Variants in PTPRM observed in about 807,000 individuals in gnomAD.
PTPRM encodes receptor-type tyrosine-protein phosphatase mu.
Under a neutral mutation model 186.7 loss-of-function variants are expected in PTPRM, and 47 were observed. That is an observed-to-expected ratio of 0.25 (90% CI 0.20 to 0.32). PTPRM has a LOEUF of 0.32. PTPRM is among the 10% of genes least tolerant of loss of function. PTPRM has a pLI of 1.00. For missense variants in PTPRM, 1,494 were observed against 1,865.0 expected, an observed-to-expected ratio of 0.80 and a Z score of 3.66; for synonymous variants, 668 against 674.9, an observed-to-expected ratio of 0.99 and a Z score of 0.16.
At chr18:7,661,448 A>G (rs1033928979) in intron 1 of PTPRM, among the ~76,000 whole-genome samples, 4 of 152,240 alleles carry the variant, frequency 2.6e-5, no homozygotes, top group African/African-American at 9.6e-5. Flanking sequence ...AATTCTCCAC[A>G]GGGAATGGTT....
intron 1 of PTPRM, among the ~76,000 whole-genome samples, chr18:7,717,595 C>A (rs2040363950): frequency 6.6e-6 from 1 of 152,230 alleles, no homozygotes; most frequent in Non-Finnish European, 1.5e-5. Flanking sequence ...CCTTCACTGG[C>A]AGAGGGCAGC....
intron 19 of PTPRM, among the ~76,000 whole-genome samples, chr18:8,263,495 G>A (rs8096506): frequency 0.064 from 9,713 of 152,194 alleles, 338 homozygotes; most frequent in South Asian, 0.095. Flanking sequence ...CTTTGTGCCT[G>A]GTTCCTGACA....
chr18:7,751,800 G>A (rs939286149), intron 1 of PTPRM, among the ~76,000 whole-genome samples: 4 of 152,170 alleles, frequency 2.6e-5, no homozygotes, highest in Admixed American at 2.6e-4. Context: ...AACCTAGTCA[G>A]TTCACTCTCT....
chr18:8,028,380 A>G (rs1235002827), intron 7 of PTPRM, among the ~76,000 whole-genome samples: 1 of 152,152 alleles, frequency 6.6e-6, no homozygotes, highest in African/African-American at 2.4e-5. Flanking sequence ...CCCTAATCTG[A>G]TAACCTGATT....
intron 1 of PTPRM, among the ~76,000 whole-genome samples, chr18:7,594,616 T>C (rs766279254): frequency 2.0e-5 from 3 of 152,160 alleles, no homozygotes; most frequent in Non-Finnish European, 4.4e-5. Flanking sequence ...CAGAAGGAAA[T>C]GCAGAAAGCC....
intron 1 of PTPRM, among the ~76,000 whole-genome samples, chr18:7,748,708 C>G (rs2041065127): frequency 6.6e-6 from 1 of 152,166 alleles, no homozygotes; most frequent in South Asian, 2.1e-4. Context: ...AAGTATAAAT[C>G]CCAGCATCAT....
rs201771811 is a variant in PTPRM, at chr18:7,955,615, C to T, written c.1132+201C>T. On this transcript the variant is annotated intron_variant, in intron 7 of 32. Coordinates refer to ENST00000580170, the MANE Select transcript of PTPRM (RefSeq NM_001105244.2). ...AGTAACCTCCAGGCTTGGTATTTCT[C>T]AGCCTGCCCCCACCCTTTTTCCTAT... Among the ~76,000 whole-genome samples, 7 of 152,278 alleles carry T rather than the reference C, an allele frequency of 4.6e-5. No individual in the cohort carries two copies. The East Asian group carries it at 1.4e-3, about 29-fold the overall frequency.
At chr18:7,794,411 A>G (rs761361168) in intron 2 of PTPRM, among the ~76,000 whole-genome samples, 143 of 151,216 alleles carry the variant, frequency 9.5e-4, no homozygotes, top group Non-Finnish European at 1.6e-3. Context: ...GAAGTGAACT[A>G]CTCCCCCTGT....
At chr18:7,580,093 C>G (rs1228227957) in intron 1 of PTPRM, among the ~76,000 whole-genome samples, 1 of 152,206 alleles carries the variant, frequency 6.6e-6, no homozygotes, top group East Asian at 1.9e-4. Flanking sequence ...AAGTTGACAT[C>G]TTTAGATTCT....
At chr18:8,067,399 T>G (rs761071653) in intron 7 of PTPRM, among the ~76,000 whole-genome samples, 4 of 152,212 alleles carry the variant, frequency 2.6e-5, no homozygotes, top group Non-Finnish European at 5.9e-5. Flanking sequence ...TTATGACATT[T>G]TCCCAACAGT....
chr18:7,645,777 T>C (rs991574904), intron 1 of PTPRM, among the ~76,000 whole-genome samples: 1 of 152,190 alleles, frequency 6.6e-6, no homozygotes, highest in Non-Finnish European at 1.5e-5. Flanking sequence ...TGTAGAAGAA[T>C]AGACCATGTA....
intron 14 of PTPRM, among the ~76,000 whole-genome samples, chr18:8,242,975 G>A (rs2094445440): frequency 6.6e-6 from 1 of 152,162 alleles, no homozygotes; most frequent in African/African-American, 2.4e-5. Flanking sequence ...ATATTTTAGG[G>A]CATAGTATAT....
chr18:7,721,144 T>A (rs528896723), intron 1 of PTPRM, among the ~76,000 whole-genome samples: 1 of 151,152 alleles, frequency 6.6e-6, no homozygotes, highest in Admixed American at 6.6e-5. Flanking sequence ...TTATTTTCTT[T>A]TTTTTTTTTT....
chr18:8,363,099 C>A (rs1350524576), intron 23 of PTPRM, among the ~76,000 whole-genome samples: 1 of 152,222 alleles, frequency 6.6e-6, no homozygotes, highest in African/African-American at 2.4e-5. Context: ...GAATGACTGG[C>A]AGGACAGCCT....
At chr18:7,709,673 A>G (rs7236636) in intron 1 of PTPRM, among the ~76,000 whole-genome samples, 9,964 of 152,238 alleles carry the variant, frequency 0.065, 864 homozygotes, top group African/African-American at 0.19. Flanking sequence ...ATTAACCAAG[A>G]AAAGAAGATG....
At chr18:7,903,839 C>G (rs2049834224) in intron 3 of PTPRM, among the ~76,000 whole-genome samples, 1 of 152,158 alleles carries the variant, frequency 6.6e-6, no homozygotes, top group South Asian at 2.1e-4. Flanking sequence ...TGATTGCTTT[C>G]TCCAGTTTCA....
At chr18:7,950,426 C>A (rs564479173) in intron 6 of PTPRM, among the ~76,000 whole-genome samples, 1 of 152,218 alleles carries the variant, frequency 6.6e-6, no homozygotes, top group East Asian at 1.9e-4. Flanking sequence ...TTGTCTGTTT[C>A]TTATGTGGTA....
intron 2 of PTPRM, among the ~76,000 whole-genome samples, chr18:7,812,152 G>A (rs1025635067): frequency 2.0e-5 from 3 of 152,194 alleles, no homozygotes; most frequent in African/African-American, 4.8e-5. Flanking sequence ...ATTGGATGAA[G>A]TAGGCATTAC....
intron 7 of PTPRM, among the ~76,000 whole-genome samples, chr18:7,994,197 A>G (rs1385931259): frequency 2.0e-5 from 3 of 152,070 alleles, no homozygotes; most frequent in East Asian, 3.8e-4. Context: ...CTTTAAGTCA[A>G]AAAACATAAA....
Sources: gnomAD v4.1 joint callset for allele counts (sites outside exome capture counted in the v4.1 genomes callset) on GRCh38, gnomAD v4.1.1 for gene constraint, MANE v1.5 for transcripts, NCBI Gene and HGNC (gene_info 2026-07-23, HGNC 2026-07-21) for gene names.